Variants in STPG4 observed in about 807,000 individuals in gnomAD.
The protein encoded by STPG4 is sperm-tail PG-rich repeat containing 4, also known as protein STPG4.
Under a neutral mutation model 31.5 loss-of-function variants are expected in STPG4, and 41 were observed. The observed-to-expected ratio is 1.30, with a 90% CI of 1.01 to 1.69. The LOEUF (loss-of-function observed/expected upper bound fraction) is 1.69, where lower values mean the gene tolerates loss of function less well. STPG4 is among the 40% of genes most tolerant of loss of function. The pLI, the probability that STPG4 is intolerant of heterozygous loss-of-function variation, is 0.00. For synonymous variants in STPG4, 141 were observed against 103.0 expected (o/e 1.37, Z -2.24); for missense variants, 375 against 293.4 (o/e 1.28, Z -2.03).
At chr2:47,130,122 G>T (rs1328298661) in intron 4 of STPG4, 74 bp downstream of exon 4, 4 of 1,495,922 alleles carry the variant, frequency 2.7e-6, no homozygotes, top group Non-Finnish European at 3.7e-6. Context: ...GCATAAATGA[G>T]GTTTAAAAGC....
intron 5 of STPG4, among the ~76,000 whole-genome samples, chr2:47,109,189 T>C (rs1333684517): frequency 2.0e-5 from 3 of 152,246 alleles, no homozygotes; most frequent in African/African-American, 7.2e-5. Flanking sequence ...ACTCGGCTGA[T>C]GTTAACGCTG....
chr2:47,102,189 C>T (rs75193089), intron 5 of STPG4, among the ~76,000 whole-genome samples: 2 of 138,006 alleles, frequency 1.4e-5, no homozygotes, highest in Non-Finnish European at 3.2e-5. Context: ...TCTGCTGCTG[C>T]GTCAGTGAGC....
chr2:47,144,362 T>A (rs938232850), intron 3 of STPG4, among the ~76,000 whole-genome samples: 1 of 152,074 alleles, frequency 6.6e-6, no homozygotes, highest in Non-Finnish European at 1.5e-5. Context: ...TATGTCCATA[T>A]ACAAGAAAAC....
chr2:47,131,544 C>T (rs1686484554), intron 3 of STPG4, among the ~76,000 whole-genome samples: 1 of 152,198 alleles, frequency 6.6e-6, no homozygotes, highest in Non-Finnish European at 1.5e-5. Flanking sequence ...GAGCTACGGT[C>T]CCTGACCAGC....
chr2:47,088,658 C>T (rs565432495), intron 6 of STPG4, among the ~76,000 whole-genome samples: 3 of 152,316 alleles, frequency 2.0e-5, no homozygotes, highest in African/African-American at 7.2e-5. Context: ...CATTTCCACC[C>T]TGCCCTGCAG....
At chr2:47,103,329 G>T (rs1418397619) in intron 5 of STPG4, among the ~76,000 whole-genome samples, 8 of 151,998 alleles carry the variant, frequency 5.3e-5, no homozygotes, top group Admixed American at 2.6e-4. Context: ...TCACTCGAGG[G>T]TCAATTGATT....
chr2:47,100,220 C>A (rs991555597), intron 5 of STPG4, among the ~76,000 whole-genome samples: 1 of 152,034 alleles, frequency 6.6e-6, no homozygotes, highest in Non-Finnish European at 1.5e-5. Context: ...ACGTGGAGAA[C>A]CTTTATGTCT....
chr2:47,113,246 G>C (rs960144989), intron 5 of STPG4, among the ~76,000 whole-genome samples: 3 of 152,138 alleles, frequency 2.0e-5, no homozygotes, highest in Admixed American at 1.3e-4. Context: ...TGATGACACA[G>C]ACGTTTTAGA....
intron 5 of STPG4, among the ~76,000 whole-genome samples, chr2:47,118,991 G>A (rs758340421): frequency 3.9e-5 from 6 of 152,112 alleles, no homozygotes; most frequent in South Asian, 2.1e-4. Flanking sequence ...ATGAGTTTTC[G>A]TATAAAAGCT....
At chr2:47,135,717 T>C (rs1176537007) in intron 3 of STPG4, among the ~76,000 whole-genome samples, 6 of 152,308 alleles carry the variant, frequency 3.9e-5, no homozygotes, top group Middle Eastern at 3.4e-3. Context: ...TATCCAGTTG[T>C]TCCAGCACCA....
intron 5 of STPG4, among the ~76,000 whole-genome samples, chr2:47,118,673 A>G (rs1321959050): frequency 6.6e-6 from 1 of 152,140 alleles, no homozygotes; most frequent in Non-Finnish European, 1.5e-5. Flanking sequence ...CCCTGACTCT[A>G]TCTCTTAATA....
At chr2:47,087,192 G>C in intron 6 of STPG4, 62 bp from the exon 7 acceptor site, 2 of 1,536,008 alleles carry the variant, frequency 1.3e-6, no homozygotes, top group Non-Finnish European at 1.8e-6. Flanking sequence ...TGAGGCTCCT[G>C]TGCCTAGCCA....
chr2:47,121,029 G>C (rs1686262955), intron 5 of STPG4: 1 of 152,988 alleles, frequency 6.5e-6, no homozygotes, highest in South Asian at 2.1e-4. Flanking sequence ...GTGTAGAGAA[G>C]GCAGAAGCGT....
chr2:47,090,287 A>G lies in STPG4; in HGVS notation c.607T>C (p.Phe203Leu). 2 of 1,551,418 alleles carry G rather than the reference A, an allele frequency of 1.3e-6. No individual in the cohort carries two copies. Among genetic ancestry groups the G allele is most frequent in the Non-Finnish European group, 1.7e-6 (2 of 1,146,652 alleles). ...ATACTTACTGAACAGCTGGGCAAGA[A>G]TCGAGGGACTCTGGATTGAAAACAA... Reference protein sequence around the residue: ...TSCFQSRVPRFLPSCSKTPGP... With the variant: ...TSCFQSRVPRLLPSCSKTPGP... The change falls in exon 6 of 7, where the codon TTC becomes CTC. Residue 203 changes from phenylalanine (F) to leucine (L), a missense_variant. Phe to Leu is a conservative substitution (Grantham distance 22). Coordinates refer to ENST00000445927, the MANE Select transcript of STPG4 (RefSeq NM_001163561.2).
chr2:47,119,789 G>A (rs1573173552), intron 5 of STPG4, among the ~76,000 whole-genome samples: 1 of 152,344 alleles, frequency 6.6e-6, no homozygotes, highest in South Asian at 2.1e-4. Flanking sequence ...CACCAAGCAA[G>A]GAGGGCCAGA....
Position 47,152,937 on chromosome 2 carries a change from A to T in STPG4, c.141+20T>A. The T allele has an allele frequency of 6.4e-7, 1 of 1,552,330 alleles. No homozygotes were observed. The highest frequency in any genetic ancestry group is 8.8e-7 in the Non-Finnish European group (1 of 1,133,174). ...GGAATAGGAATAATGTGAATAGGAA[A>T]GACTGAACAATGTACATACTGTTAA... On this transcript the variant is annotated intron_variant, in intron 2 of 6. Transcript: ENST00000445927.
At chr2:47,121,719 GC>G (rs1686274812) in intron 5 of STPG4, among the ~76,000 whole-genome samples, 2 of 152,196 alleles carry the variant, frequency 1.3e-5, no homozygotes, top group Admixed American at 1.3e-4. Context: ...GCAGGGCCAT[GC>G]TCCCTCCAGA....
chr2:47,136,754 A>G (rs1035406220), intron 3 of STPG4, among the ~76,000 whole-genome samples: 2 of 152,218 alleles, frequency 1.3e-5, no homozygotes, highest in Non-Finnish European at 2.9e-5. Context: ...TTTTGAAAGC[A>G]TGTGTTTTAA....
Position 47,127,252 on chromosome 2 carries a change from C to CTTTTTTTTTTTTTTTTT in STPG4, c.519+2672_519+2688dup, listed in dbSNP as rs57475505. Among the ~76,000 whole-genome samples the CTTTTTTTTTTTTTTTTT allele has an allele frequency of 8.7e-4, 50 of 57,474 alleles. 7 individuals carry two copies. Among genetic ancestry groups the CTTTTTTTTTTTTTTTTT allele is most frequent in the African/African-American group, 2.2e-3 (21 of 9,674 alleles). The allele number at this position is 57,474 out of a possible 152,430, so 37.7% of individuals were successfully genotyped here. On this transcript the variant is annotated intron_variant, in intron 5 of 6. Coordinates refer to ENST00000445927, the MANE Select transcript of STPG4 (RefSeq NM_001163561.2). ...CAAATAGCTTGTCTTCAAGCTAATTCTTTTTTTTTTTTTTTTTTTTTTTTT... is the reference window on the plus strand; with the variant it reads ...CAAATAGCTTGTCTTCAAGCTAATTCTTTTTTTTTTTTTTTTTTTTTTTTTTTTTTTTTTTTTTTTTT...
Sources: gnomAD v4.1 joint callset for allele counts (sites outside exome capture counted in the v4.1 genomes callset) on GRCh38, gnomAD v4.1.1 for gene constraint, MANE v1.5 for transcripts, NCBI Gene and HGNC (gene_info 2026-07-23, HGNC 2026-07-21) for gene names.